The following EDEM3 variants were observed in gnomAD, a reference collection of about 807,000 sequenced individuals.
EDEM3 encodes the protein ER degradation-enhancing alpha-mannosidase-like protein 3.
In EDEM3, 60 loss-of-function variants were observed where a neutral mutation model predicts 110.2. That is an observed-to-expected ratio of 0.54 (90% CI 0.44 to 0.67). EDEM3 has a LOEUF of 0.67. Ranked by LOEUF, EDEM3 falls within the 30% of genes least tolerant of loss-of-function variation. EDEM3 has a pLI of 0.00. For missense variants in EDEM3, 996 were observed against 1,121.0 expected (o/e 0.89, Z 1.59); for synonymous variants, 352 against 382.9 (o/e 0.92, Z 0.94).
chr1:184,754,121 C>T (rs560904265), intron 1 of EDEM3, among the ~76,000 whole-genome samples: 1 of 152,350 alleles, frequency 6.6e-6, no homozygotes, highest in Non-Finnish European at 1.5e-5. Context: ...CTCACTTGCG[C>T]GAGAAAGCTA....
intron 13 of EDEM3, among the ~76,000 whole-genome samples, chr1:184,714,589 T>C (rs898207146): frequency 6.6e-6 from 1 of 152,110 alleles, no homozygotes; most frequent in African/African-American, 2.4e-5. Flanking sequence ...TGAAAGCTCT[T>C]GAGTGCAGTG....
chr1:184,741,154 T>G (rs575717642), intron 2 of EDEM3, among the ~76,000 whole-genome samples: 1 of 152,254 alleles, frequency 6.6e-6, no homozygotes, highest in African/African-American at 2.4e-5. Flanking sequence ...TCCCAGCACT[T>G]TGGGAGGCCA....
At position 184,726,347 on chromosome 1, in the gene EDEM3, C is replaced by T. The variant is rs146164488; in HGVS notation, c.655G>A (p.Gly219Arg). 43 of 1,613,688 alleles carry T rather than the reference C, an allele frequency of 2.7e-5. No homozygotes were observed. Among genetic ancestry groups the T allele is most frequent in the Non-Finnish European group, 3.5e-5 (41 of 1,179,848 alleles). ...FGIRKPEART[G>R]TETDTCTACA... ...GCTGTACAGGTATCTGTCTCAGTTC[C>T]TGTCCGAGCTTCTGGTTTTCTGATG... is the stretch of plus-strand genomic sequence containing the variant. The change falls in exon 7 of 20, where the codon GGA (glycine) becomes AGA (arginine). Residue 219 changes from glycine (G) to arginine (R), a missense_variant. Transcript: ENST00000318130.
At chr1:184,698,564 G>A (rs920754091) in intron 19 of EDEM3, among the ~76,000 whole-genome samples, 5 of 151,832 alleles carry the variant, frequency 3.3e-5, no homozygotes, top group African/African-American at 1.2e-4. Flanking sequence ...GCACTAAGAA[G>A]AATATAAAAG....
At chr1:184,740,097 CCTG>C (rs1652053853) in intron 2 of EDEM3, among the ~76,000 whole-genome samples, 2 of 152,074 alleles carry the variant, frequency 1.3e-5, no homozygotes, top group Admixed American at 1.3e-4. Flanking sequence ...ACCATAAAGA[CCTG>C]CTGATCTTTA....
intron 2 of EDEM3, among the ~76,000 whole-genome samples, chr1:184,741,573 G>A (rs1206754884): frequency 6.6e-6 from 1 of 151,948 alleles, no homozygotes; most frequent in Non-Finnish European, 1.5e-5. Context: ...GACTTTGAAG[G>A]TTTATAACAT....
In EDEM3 at chr1:184,716,887, C is replaced by T; in HGVS notation, c.1370+1G>A. On this transcript the variant is annotated splice_donor_variant, in intron 13 of 19. Transcript: ENST00000318130. LOFTEE classifies it high-confidence loss of function. ...AAAGAGGATGTTAGCAATTGTTTTA[C>T]CTGTCCTCATGACTTCCAGTACGAA... 2 of 1,612,914 alleles carry T rather than the reference C, an allele frequency of 1.2e-6. No homozygotes were observed. Among genetic ancestry groups the T allele is most frequent in the Non-Finnish European group, 1.7e-6 (2 of 1,179,142 alleles).
At chr1:184,737,475 G>T in intron 3 of EDEM3, 136 bp downstream of exon 3, 1 of 681,366 alleles carries the variant, frequency 1.5e-6, no homozygotes, top group Non-Finnish European at 2.4e-6. Flanking sequence ...AGGGAATAAA[G>T]GAGCATAATG....
chr1:184,750,667 C>A (rs1003522228), intron 1 of EDEM3, among the ~76,000 whole-genome samples: 2 of 152,016 alleles, frequency 1.3e-5, no homozygotes, highest in African/African-American at 4.8e-5. Flanking sequence ...CGTCTGCCAC[C>A]ATGCCTGGCT....
At chr1:184,732,728 T>A in intron 6 of EDEM3, 109 bp downstream of exon 6, 1 of 1,131,328 alleles carries the variant, frequency 8.8e-7, no homozygotes, top group Non-Finnish European at 1.2e-6. Flanking sequence ...TTGAAGCATT[T>A]TTTTTTCAGC....
intron 2 of EDEM3, among the ~76,000 whole-genome samples, chr1:184,738,429 T>C (rs535593821): frequency 2.8e-4 from 42 of 151,484 alleles, no homozygotes; most frequent in Admixed American, 5.2e-4. Context: ...ATCCCTTTAC[T>C]GATGAACATG....
At chr1:184,743,355 A>G (rs912365968) in intron 2 of EDEM3, among the ~76,000 whole-genome samples, 1 of 152,174 alleles carries the variant, frequency 6.6e-6, no homozygotes, top group African/African-American at 2.4e-5. Flanking sequence ...GGGATACGTA[A>G]TTCATATTGA....
intron 6 of EDEM3, among the ~76,000 whole-genome samples, chr1:184,730,817 G>A (rs1278736910): frequency 2.7e-5 from 4 of 150,166 alleles, no homozygotes; most frequent in Non-Finnish European, 4.4e-5. Flanking sequence ...TATTTGTAGA[G>A]AAGTTATGCC....
intron 2 of EDEM3, among the ~76,000 whole-genome samples, chr1:184,742,145 A>T (rs1435563389): frequency 1.3e-5 from 2 of 152,168 alleles, no homozygotes; most frequent in African/African-American, 4.8e-5. Flanking sequence ...AACACATAGG[A>T]AAGGGAAGGA....
intron 2 of EDEM3, among the ~76,000 whole-genome samples, chr1:184,747,543 C>A (rs1436482430): frequency 6.6e-6 from 1 of 152,150 alleles, no homozygotes; most frequent in Non-Finnish European, 1.5e-5. Flanking sequence ...AAGTACACAG[C>A]AAGAGTCACT....
intron 2 of EDEM3, among the ~76,000 whole-genome samples, chr1:184,748,343 A>G (rs1652551184): frequency 6.6e-6 from 1 of 151,988 alleles, no homozygotes; most frequent in Non-Finnish European, 1.5e-5. Context: ...GCTACTCAGG[A>G]GGCTGAGGCA....
chr1:184,708,232 A>G lies in EDEM3; in HGVS notation c.1958T>C (p.Val653Ala). 6.2e-7 allele frequency: 1 copy of G among 1,613,796 alleles called. No individual in the cohort carries two copies. The highest frequency in any genetic ancestry group is 2.2e-5 in the East Asian group (1 of 44,846). The part of the protein sequence containing the change: ...QQLPPRAVQI[V>A]SHPFFGRVVL... Reference sequence around the variant, plus strand: ...TACCCTGCCAAAAAATGGGTGGGAAACAATTTGTACAGCTCGTGGAGGCAG... The same window carrying G: ...TACCCTGCCAAAAAATGGGTGGGAAGCAATTTGTACAGCTCGTGGAGGCAG... Residue 653 changes from valine (V) to alanine (A), a missense_variant, in exon 17 of 20, where the codon GTT becomes GCT. This residue lies in a region of EDEM3 where 345 missense variants were observed against 402.0 expected (regional missense o/e 0.86). Coordinates refer to ENST00000318130, the MANE Select transcript of EDEM3 (RefSeq NM_025191.4).
In EDEM3 at chr1:184,726,309, G is replaced by A. The variant is rs769724426; in HGVS notation, c.693C>T (p.Thr231=). Residue 231 remains threonine (T), a synonymous_variant, in exon 7 of 20, where the codon ACC becomes ACT. Transcript: ENST00000318130. ...TTAAAGCAGCAAATTCAAGGATCAA[G>A]GTACCTGCACAAGCTGTACAGGTAT... ...ETDTCTACAG[T]LILEFAALSR... 13 of 1,613,720 alleles carry A rather than the reference G, an allele frequency of 8.1e-6. No homozygotes were observed. The highest frequency in any genetic ancestry group is 1.1e-5 in the Non-Finnish European group (13 of 1,179,870).
intron 1 of EDEM3, among the ~76,000 whole-genome samples, chr1:184,750,166 T>C (rs1419249091): frequency 6.6e-6 from 1 of 152,238 alleles, no homozygotes; most frequent in Non-Finnish European, 1.5e-5. Context: ...TTTCAAAAGA[T>C]ACTTTTTATG....
Sources: gnomAD v4.1 joint callset for allele counts (sites outside exome capture counted in the v4.1 genomes callset) on GRCh38, gnomAD v4.1.1 for gene constraint, gnomAD v4.1.1 regional missense constraint, MANE v1.5 for transcripts, NCBI Gene and HGNC (gene_info 2026-07-23, HGNC 2026-07-21) for gene names.